The following FBXL17 variants were observed in gnomAD, a reference collection of about 807,000 sequenced individuals.
FBXL17 encodes the protein F-box and leucine rich repeat protein 17, also known as F-box/LRR-repeat protein 17.
A neutral mutation model predicts 66.2 loss-of-function variants in FBXL17; 22 were observed. The ratio of observed to expected loss-of-function variants is 0.33; its 90% CI spans 0.24 to 0.47. The LOEUF (loss-of-function observed/expected upper bound fraction) is 0.47. Among genes scored for constraint, FBXL17 ranks in the 20% least tolerant of loss-of-function variants. The pLI, the probability that FBXL17 is intolerant of heterozygous loss-of-function variation, is 1.00. For missense variants in FBXL17, 878 were observed against 948.2 expected, an observed-to-expected ratio of 0.93 and a Z score of 0.97; for synonymous variants, 474 against 400.5, an observed-to-expected ratio of 1.18 and a Z score of -2.19.
chr5:107,918,282 C>T (rs1750200379), intron 7 of FBXL17, among the ~76,000 whole-genome samples: 1 of 152,210 alleles, frequency 6.6e-6, no homozygotes, highest in Non-Finnish European at 1.5e-5. Flanking sequence ...AGAGTCTGCA[C>T]ACAACTGCTC....
At chr5:107,968,134 G>A (rs1197344975) in intron 7 of FBXL17, among the ~76,000 whole-genome samples, 1 of 152,090 alleles carries the variant, frequency 6.6e-6, no homozygotes, top group African/African-American at 2.4e-5. Flanking sequence ...AGTAACAAGG[G>A]CAACAGCATC....
At chr5:108,282,730 G>T (rs1757748720) in intron 4 of FBXL17, among the ~76,000 whole-genome samples, 1 of 151,352 alleles carries the variant, frequency 6.6e-6, no homozygotes, top group African/African-American at 2.4e-5. Context: ...ATCCCTGTTT[G>T]CTAAGATATA....
intron 6 of FBXL17, among the ~76,000 whole-genome samples, chr5:108,157,139 T>C (rs954298075): frequency 6.6e-6 from 1 of 150,990 alleles, no homozygotes; most frequent in Non-Finnish European, 1.5e-5. Context: ...TAGTATTCGA[T>C]TTTCCAGTTC....
chr5:108,048,473 A>C (rs956537385), intron 6 of FBXL17, among the ~76,000 whole-genome samples: 1 of 152,204 alleles, frequency 6.6e-6, no homozygotes, highest in Non-Finnish European at 1.5e-5. Flanking sequence ...AACTGACAAA[A>C]GTAGGCTTCA....
intron 6 of FBXL17, among the ~76,000 whole-genome samples, chr5:108,182,110 G>A (rs1371753768): frequency 1.3e-5 from 2 of 152,068 alleles, no homozygotes; most frequent in Non-Finnish European, 2.9e-5. Context: ...TAAGTCTTAT[G>A]TCACCTAAAG....
intron 4 of FBXL17, among the ~76,000 whole-genome samples, chr5:108,268,351 C>T (rs1265195353): frequency 6.6e-6 from 1 of 151,954 alleles, no homozygotes; most frequent in Non-Finnish European, 1.5e-5. Context: ...ACCTAACACT[C>T]CTCTTTTTAC....
At chr5:108,173,873 G>A (rs1186283902) in intron 6 of FBXL17, among the ~76,000 whole-genome samples, 3 of 152,150 alleles carry the variant, frequency 2.0e-5, no homozygotes, top group African/African-American at 7.2e-5. Context: ...AGAAACAGCT[G>A]GAAACTTAAG....
At chr5:108,181,595 A>G (rs1753005856) in intron 6 of FBXL17, among the ~76,000 whole-genome samples, 1 of 152,214 alleles carries the variant, frequency 6.6e-6, no homozygotes, top group Admixed American at 6.5e-5. Context: ...TTCACAGATA[A>G]GAATTATTAA....
intron 6 of FBXL17, among the ~76,000 whole-genome samples, chr5:108,027,559 T>C (rs550206585): frequency 1.3e-5 from 2 of 152,304 alleles, no homozygotes; most frequent in Admixed American, 1.3e-4. Context: ...AACTATGTTT[T>C]AGAAATACTA....
chr5:108,204,856 G>A (rs1455893070), intron 5 of FBXL17, among the ~76,000 whole-genome samples: 2 of 151,768 alleles, frequency 1.3e-5, no homozygotes, highest in Non-Finnish European at 2.9e-5. Context: ...CAAAAGTATT[G>A]AGAAGGTATA....
intron 6 of FBXL17, among the ~76,000 whole-genome samples, chr5:108,159,467 G>A (rs1325570872): frequency 6.6e-6 from 1 of 152,110 alleles, no homozygotes; most frequent in Non-Finnish European, 1.5e-5. Context: ...TTGGTCAGAG[G>A]CAGCGTCCTT....
chr5:107,943,781 A>T (rs1301486306), intron 7 of FBXL17, among the ~76,000 whole-genome samples: 3 of 152,120 alleles, frequency 2.0e-5, no homozygotes, highest in African/African-American at 7.2e-5. Context: ...AAAACCTGAA[A>T]TATTTACTAC....
intron 8 of FBXL17, among the ~76,000 whole-genome samples, chr5:107,872,282 C>T (rs1321275176): frequency 6.6e-6 from 1 of 152,174 alleles, no homozygotes; most frequent in African/African-American, 2.4e-5. Context: ...GTCCTGATCC[C>T]CAGGGGCTTG....
chr5:108,325,269 C>T (rs1422536683), intron 4 of FBXL17, among the ~76,000 whole-genome samples: 2 of 151,870 alleles, frequency 1.3e-5, no homozygotes, highest in African/African-American at 2.4e-5. Flanking sequence ...TGCCACGTAC[C>T]GCCATCAAAT....
chr5:107,947,282 T>C (rs1751343703), intron 7 of FBXL17, among the ~76,000 whole-genome samples: 1 of 152,254 alleles, frequency 6.6e-6, no homozygotes, highest in South Asian at 2.1e-4. Context: ...TTGAAATGTC[T>C]CATGCCTCTT....
At chr5:108,112,496 T>A (rs1750077196) in intron 6 of FBXL17, among the ~76,000 whole-genome samples, 5 of 152,100 alleles carry the variant, frequency 3.3e-5, no homozygotes, top group Admixed American at 3.3e-4. Context: ...GGCCCAGAAA[T>A]ATTTAAAGAA....
chr5:108,193,278 A>AGAG (rs1753544118), intron 5 of FBXL17, among the ~76,000 whole-genome samples: 1 of 152,148 alleles, frequency 6.6e-6, no homozygotes, highest in African/African-American at 2.4e-5. Context: ...GGAGATCCTA[A>AGAG]AGGCAGAGGA....
intron 4 of FBXL17, among the ~76,000 whole-genome samples, chr5:108,230,815 G>T (rs973774696): frequency 4.0e-5 from 6 of 151,840 alleles, no homozygotes; most frequent in African/African-American, 1.2e-4. Flanking sequence ...GGGCGCGAGG[G>T]ATAAAAGACT....
intron 5 of FBXL17, among the ~76,000 whole-genome samples, chr5:108,197,562 G>T (rs1753727916): frequency 6.6e-6 from 1 of 152,120 alleles, no homozygotes; most frequent in African/African-American, 2.4e-5. Context: ...TAACTAAAAT[G>T]CCATTAGCCC....
Sources: gnomAD v4.1 joint callset for allele counts (sites outside exome capture counted in the v4.1 genomes callset) on GRCh38, gnomAD v4.1.1 for gene constraint, MANE v1.5 for transcripts, NCBI Gene and HGNC (gene_info 2026-07-23, HGNC 2026-07-21) for gene names.